The following STK24 variants were observed in gnomAD, a reference collection of about 807,000 sequenced individuals.
STK24 encodes the protein serine/threonine kinase 24, also known as serine/threonine-protein kinase 24.
A neutral mutation model predicts 55.6 loss-of-function variants in STK24; 21 were observed. That is an observed-to-expected ratio of 0.38 (90% CI 0.27 to 0.54). The LOEUF (loss-of-function observed/expected upper bound fraction) is 0.54. STK24 is among the 20% of genes least tolerant of loss of function. STK24 has a pLI of 0.79. For synonymous variants in STK24, 200 were observed against 215.2 expected, an observed-to-expected ratio of 0.93 and a Z score of 0.62; for missense variants, 383 against 538.4, an observed-to-expected ratio of 0.71 and a Z score of 2.86.
At chr13:98,534,969 G>A (rs1594648408) in intron 1 of STK24, among the ~76,000 whole-genome samples, 1 of 152,232 alleles carries the variant, frequency 6.6e-6, no homozygotes, top group African/African-American at 2.4e-5. Flanking sequence ...TGTTTGGGCA[G>A]CAGGCAAGGA....
intron 3 of STK24, among the ~76,000 whole-genome samples, chr13:98,478,080 G>C (rs1381156886): frequency 6.6e-6 from 1 of 152,142 alleles, no homozygotes; most frequent in African/African-American, 2.4e-5. Context: ...CACTATAAAG[G>C]GTATTCGGCT....
intron 2 of STK24, among the ~76,000 whole-genome samples, chr13:98,482,756 G>C (rs1894644480): frequency 6.6e-6 from 1 of 152,168 alleles, no homozygotes; most frequent in African/African-American, 2.4e-5. Flanking sequence ...CCTCCCTCCT[G>C]CAGCACTGAG....
At chr13:98,463,612 C>A in intron 7 of STK24, 79 bp downstream of exon 7, 1 of 1,472,640 alleles carries the variant, frequency 6.8e-7, no homozygotes, top group Non-Finnish European at 9.0e-7. Context: ...CAACAGAAAA[C>A]GAAACCCACA....
chr13:98,548,383 A>G (rs143066543), intron 1 of STK24, among the ~76,000 whole-genome samples: 1 of 152,308 alleles, frequency 6.6e-6, no homozygotes, highest in Non-Finnish European at 1.5e-5. Context: ...AATGCTACAT[A>G]AAGAAGCAGC....
At chr13:98,541,726 G>C (rs1247881544) in intron 1 of STK24, among the ~76,000 whole-genome samples, 1 of 152,144 alleles carries the variant, frequency 6.6e-6, no homozygotes, top group Non-Finnish European at 1.5e-5. Flanking sequence ...GGAAAGATTT[G>C]AACCAGTTTG....
Position 98,565,355 on chromosome 13 carries a change from C to A in STK24, c.42+11390G>T, listed in dbSNP as rs1465515297. On this transcript the variant is annotated intron_variant, in intron 1 of 10. Coordinates refer to ENST00000539966, the MANE Select transcript of STK24 (RefSeq NM_001032296.4). ...TTATATTCTATTAGAGGGCTGGGCGCGGTGGCTCACACCTGTAACCCCAGC... is the reference window on the plus strand; with the variant it reads ...TTATATTCTATTAGAGGGCTGGGCGAGGTGGCTCACACCTGTAACCCCAGC... Among the ~76,000 whole-genome samples the A allele has an allele frequency of 3.3e-5, 5 of 152,152 alleles. No individual in the cohort carries two copies. In the East Asian group the frequency reaches 9.7e-4, roughly 29 times the overall value.
At chr13:98,483,801 A>G (rs1189803124) in intron 2 of STK24, among the ~76,000 whole-genome samples, 1 of 152,160 alleles carries the variant, frequency 6.6e-6, no homozygotes, top group East Asian at 1.9e-4. Context: ...ACTCGTGTTG[A>G]CTCTAGGGAG....
At chr13:98,483,661 C>A (rs1297629866) in intron 2 of STK24, among the ~76,000 whole-genome samples, 2 of 152,202 alleles carry the variant, frequency 1.3e-5, no homozygotes, top group Non-Finnish European at 2.9e-5. Flanking sequence ...TTATCTATTG[C>A]TCTGATTTTC....
intron 1 of STK24, among the ~76,000 whole-genome samples, chr13:98,573,885 A>G (rs1897805461): frequency 6.6e-6 from 1 of 152,254 alleles, no homozygotes; most frequent in African/African-American, 2.4e-5. Flanking sequence ...CTCAAACGGT[A>G]CCGGTAAGAA....
intron 1 of STK24, among the ~76,000 whole-genome samples, chr13:98,534,200 G>A (rs1376880904): frequency 1.3e-5 from 2 of 152,214 alleles, no homozygotes; most frequent in African/African-American, 4.8e-5. Flanking sequence ...CAGTGGTTGT[G>A]TGGGGTACTT....
intron 2 of STK24, among the ~76,000 whole-genome samples, chr13:98,507,482 C>T (rs181810162): frequency 1.3e-5 from 2 of 152,266 alleles, no homozygotes; most frequent in Admixed American, 6.5e-5. Flanking sequence ...CTTCTCTGGG[C>T]CATGGTTTTC....
At chr13:98,486,978 C>T (rs1894832714) in intron 2 of STK24, among the ~76,000 whole-genome samples, 1 of 152,216 alleles carries the variant, frequency 6.6e-6, no homozygotes, top group South Asian at 2.1e-4. Context: ...TGGCAAAATT[C>T]ATGGTGCTCA....
chr13:98,509,764 C>T (rs574652013), intron 2 of STK24, among the ~76,000 whole-genome samples: 3 of 152,268 alleles, frequency 2.0e-5, no homozygotes, highest in Admixed American at 1.3e-4. Context: ...ACAGAACACT[C>T]AGGCCTGCCC....
intron 1 of STK24, among the ~76,000 whole-genome samples, chr13:98,546,400 AAGCCTT>A (rs1023432162): frequency 1.3e-5 from 2 of 152,184 alleles, no homozygotes; most frequent in African/African-American, 2.4e-5. Context: ...ATCACTTTAA[AAGCCTT>A]TTTTATAATT....
At chr13:98,466,904 C>T (rs981027439) in intron 5 of STK24, among the ~76,000 whole-genome samples, 22 of 152,146 alleles carry the variant, frequency 1.4e-4, no homozygotes, top group African/African-American at 5.3e-4. Flanking sequence ...GGTGTACGCT[C>T]GCGAGTCACC....
At chr13:98,470,416 C>A (rs1250351734) in intron 5 of STK24, among the ~76,000 whole-genome samples, 1 of 152,212 alleles carries the variant, frequency 6.6e-6, no homozygotes, top group Non-Finnish European at 1.5e-5. Flanking sequence ...TAGGCGTGAG[C>A]CACTGTGCCT....
At chr13:98,475,098 A>G (rs2058619295) in intron 4 of STK24, 120 bp from the exon 5 acceptor site, 2 of 1,439,644 alleles carry the variant, frequency 1.4e-6, no homozygotes, top group Non-Finnish European at 1.9e-6. Context: ...CCGGGGCTAC[A>G]CTTTTTGTCA....
chr13:98,534,312 G>C (rs1896654831), intron 1 of STK24, among the ~76,000 whole-genome samples: 1 of 152,192 alleles, frequency 6.6e-6, no homozygotes, highest in Non-Finnish European at 1.5e-5. Flanking sequence ...AATGATGACA[G>C]TGAAAGAGAT....
At chr13:98,484,835 C>T (rs1894746136) in intron 2 of STK24, among the ~76,000 whole-genome samples, 7 of 152,194 alleles carry the variant, frequency 4.6e-5, no homozygotes, top group Admixed American at 3.9e-4. Context: ...AGGCCGCCTC[C>T]TTCCTGGAGA....
Sources: allele counts gnomAD v4.1 joint callset (sites outside exome capture counted in the v4.1 genomes callset), GRCh38; gene constraint gnomAD v4.1.1; transcripts MANE v1.5; gene names NCBI Gene and HGNC (gene_info 2026-07-23, HGNC 2026-07-21).